Variants in CADM2 observed in about 807,000 individuals in gnomAD.
CADM2 encodes cell adhesion molecule 2, also known as immunoglobulin superfamily member 4D.
A neutral mutation model predicts 49.8 loss-of-function variants in CADM2; 12 were observed. That is an observed-to-expected ratio of 0.24 (90% confidence interval 0.15 to 0.39). The LOEUF (loss-of-function observed/expected upper bound fraction) is 0.39. Among genes scored for constraint, CADM2 ranks in the 10% least tolerant of loss-of-function variants. The pLI, the probability that CADM2 is intolerant of heterozygous loss-of-function variation, is 1.00. For missense variants in CADM2, 378 were observed against 492.3 expected (o/e 0.77, Z 2.20); for synonymous variants, 214 against 175.4 (o/e 1.22, Z -1.74).
At chr3:85,157,513 C>G (rs141500579) in intron 1 of CADM2, among the ~76,000 whole-genome samples, 4,196 of 152,164 alleles carry the variant, frequency 0.028, 174 homozygotes, top group African/African-American at 0.095. Context: ...TGAAACAGAA[C>G]AGAGCCCTCA....
intron 1 of CADM2, among the ~76,000 whole-genome samples, chr3:85,014,730 A>G (rs1357230217): frequency 6.6e-6 from 1 of 152,132 alleles, no homozygotes; most frequent in African/African-American, 2.4e-5. Flanking sequence ...ATGGTTTTTG[A>G]AAGGCTTCAG....
At chr3:86,021,916 G>A (rs1733243449) in intron 8 of CADM2, among the ~76,000 whole-genome samples, 1 of 152,016 alleles carries the variant, frequency 6.6e-6, no homozygotes, top group South Asian at 2.1e-4. Flanking sequence ...CACAACATGA[G>A]AACTATAGGC....
At chr3:85,436,806 T>C (rs1594795) in intron 1 of CADM2, among the ~76,000 whole-genome samples, 131,524 of 152,220 alleles carry the variant, frequency 0.86, 56,963 homozygotes, top group East Asian at 0.95. Flanking sequence ...TAACATCCTT[T>C]GCCAAAGCGG....
intron 1 of CADM2, among the ~76,000 whole-genome samples, chr3:85,276,470 C>T (rs2043359661): frequency 6.6e-6 from 1 of 151,288 alleles, no homozygotes; most frequent in Non-Finnish European, 1.5e-5. Context: ...GAATTAAATT[C>T]TATCTTTGAC....
At chr3:85,376,801 T>C (rs2033616432) in intron 1 of CADM2, among the ~76,000 whole-genome samples, 3 of 152,026 alleles carry the variant, frequency 2.0e-5, no homozygotes, top group Non-Finnish European at 4.4e-5. Context: ...AATTTTGCTT[T>C]TAAAATGAAA....
intron 1 of CADM2, among the ~76,000 whole-genome samples, chr3:85,601,130 GTATATA>G (rs375011644): frequency 0.19 from 20,943 of 109,466 alleles, 2,590 homozygotes; most frequent in Middle Eastern, 0.25. Flanking sequence ...ATATATGTGT[GTATATA>G]TATATATATA....
At chr3:85,431,531 A>T (rs915899914) in intron 1 of CADM2, among the ~76,000 whole-genome samples, 1 of 152,006 alleles carries the variant, frequency 6.6e-6, no homozygotes, top group Non-Finnish European at 1.5e-5. Flanking sequence ...GCGTATGTAC[A>T]TGCTGAGAGG....
chr3:86,007,056 A>AAATT (rs1246399875), intron 8 of CADM2, among the ~76,000 whole-genome samples: 1 of 151,934 alleles, frequency 6.6e-6, no homozygotes, highest in Non-Finnish European at 1.5e-5. Context: ...TAAAAAATAA[A>AAATT]AATTAATTAA....
intron 1 of CADM2, among the ~76,000 whole-genome samples, chr3:85,723,041 C>A (rs1473873692): frequency 2.0e-5 from 3 of 152,176 alleles, no homozygotes; most frequent in Non-Finnish European, 4.4e-5. Flanking sequence ...AACCCTTCAG[C>A]ATTTCTACAT....
At chr3:85,182,593 T>C (rs2040963494) in intron 1 of CADM2, among the ~76,000 whole-genome samples, 1 of 152,080 alleles carries the variant, frequency 6.6e-6, no homozygotes, top group Non-Finnish European at 1.5e-5. Flanking sequence ...CATTGTATGT[T>C]AGCTTGGACG....
At chr3:85,658,052 G>A (rs1214306298) in intron 1 of CADM2, among the ~76,000 whole-genome samples, 2 of 152,064 alleles carry the variant, frequency 1.3e-5, no homozygotes, top group African/African-American at 4.8e-5. Context: ...GCCATGAACT[G>A]ATGAGAATTT....
At chr3:85,530,272 G>A (rs1487899489) in intron 1 of CADM2, among the ~76,000 whole-genome samples, 5 of 149,630 alleles carry the variant, frequency 3.3e-5, no homozygotes, top group South Asian at 2.1e-4. Flanking sequence ...AGAGGCCTTC[G>A]CAGCCATGTG....
At chr3:85,433,994 C>T (rs1018774274) in intron 1 of CADM2, among the ~76,000 whole-genome samples, 13 of 152,118 alleles carry the variant, frequency 8.5e-5, no homozygotes, top group Middle Eastern at 3.4e-3. Flanking sequence ...TACCATAATT[C>T]CTGACACCTG....
intron 1 of CADM2, among the ~76,000 whole-genome samples, chr3:85,353,132 AT>A (rs1161260799): frequency 6.6e-6 from 1 of 151,880 alleles, no homozygotes; most frequent in East Asian, 1.9e-4. Flanking sequence ...ATTTTTTCTT[AT>A]TTTTTTATGC....
chr3:85,399,836 T>C (rs946867340), intron 1 of CADM2, among the ~76,000 whole-genome samples: 1 of 152,222 alleles, frequency 6.6e-6, no homozygotes, highest in Non-Finnish European at 1.5e-5. Context: ...GAGACTTTTC[T>C]GAAGCTGCTT....
intron 1 of CADM2, among the ~76,000 whole-genome samples, chr3:85,097,859 A>G (rs918296890): frequency 1.1e-4 from 16 of 152,156 alleles, no homozygotes; most frequent in African/African-American, 3.4e-4. Context: ...AAGCCCCTAC[A>G]TAGTAGTCCT....
chr3:85,673,808 G>A (rs1266725189), intron 1 of CADM2, among the ~76,000 whole-genome samples: 1 of 152,108 alleles, frequency 6.6e-6, no homozygotes, highest in Non-Finnish European at 1.5e-5. Context: ...GATATGTTTA[G>A]GGTTTGGGAG....
At chr3:85,360,230 G>A (rs1409155480) in intron 1 of CADM2, among the ~76,000 whole-genome samples, 1 of 152,062 alleles carries the variant, frequency 6.6e-6, no homozygotes, top group Non-Finnish European at 1.5e-5. Context: ...AAGCTTATAT[G>A]TATTTCTCAC....
intron 1 of CADM2, among the ~76,000 whole-genome samples, chr3:84,996,067 G>A (rs2033163835): frequency 6.6e-6 from 1 of 152,066 alleles, no homozygotes; most frequent in South Asian, 2.1e-4. Flanking sequence ...GCAAAATCTG[G>A]CAATTTTACT....
Sources: gnomAD v4.1 joint callset for allele counts (sites outside exome capture counted in the v4.1 genomes callset) on GRCh38, gnomAD v4.1.1 for gene constraint, MANE v1.5 for transcripts, NCBI Gene and HGNC (gene_info 2026-07-23, HGNC 2026-07-21) for gene names.